Variants in KSR2 observed in about 807,000 individuals in gnomAD.
KSR2 encodes the protein kinase suppressor of ras 2.
Under a neutral mutation model 107.8 loss-of-function variants are expected in KSR2, and 25 were observed. That is an observed-to-expected ratio of 0.23 (90% CI 0.17 to 0.32). KSR2 has a LOEUF of 0.32. Among genes scored for constraint, KSR2 ranks in the 10% least tolerant of loss-of-function variants. The pLI, the probability that KSR2 is intolerant of heterozygous loss-of-function variation, is 1.00. For missense variants in KSR2, 887 were observed against 1,268.9 expected (o/e 0.70, Z 4.57); for synonymous variants, 480 against 507.0 (o/e 0.95, Z 0.71).
intron 5 of KSR2, among the ~76,000 whole-genome samples, chr12:117,622,910 G>GAGAAAGAC (rs1425785951): frequency 6.6e-6 from 1 of 152,188 alleles, no homozygotes; most frequent in Non-Finnish European, 1.5e-5. Flanking sequence ...TTGGGTCTGG[G>GAGAAAGAC]AGAAAGACAA....
At chr12:117,861,483 G>A (rs991220015) in intron 1 of KSR2, among the ~76,000 whole-genome samples, 2 of 144,710 alleles carry the variant, frequency 1.4e-5, no homozygotes, top group Non-Finnish European at 3.0e-5. Flanking sequence ...CCGCCTCCCG[G>A]GTTCACGCCA....
At chr12:117,638,126 T>C (rs1372802863) in intron 5 of KSR2, among the ~76,000 whole-genome samples, 2 of 151,626 alleles carry the variant, frequency 1.3e-5, no homozygotes, top group South Asian at 2.1e-4. Flanking sequence ...CGCTTTCTCA[T>C]ACTTAACATT....
intron 3 of KSR2, among the ~76,000 whole-genome samples, chr12:117,838,178 G>A (rs576482730): frequency 6.6e-6 from 1 of 152,170 alleles, no homozygotes; most frequent in Non-Finnish European, 1.5e-5. Context: ...GTTTTGGGTT[G>A]GGTTTTTGAG....
intron 1 of KSR2, among the ~76,000 whole-genome samples, chr12:117,860,698 T>C (rs1211695920): frequency 6.6e-6 from 1 of 152,110 alleles, no homozygotes; most frequent in African/African-American, 2.4e-5. Flanking sequence ...GATCTCACAA[T>C]TGCACACATC....
chr12:117,739,863 T>C (rs1888104119), intron 4 of KSR2, among the ~76,000 whole-genome samples: 1 of 151,374 alleles, frequency 6.6e-6, no homozygotes, highest in East Asian at 1.9e-4. Context: ...AGGCACATGG[T>C]TGGACTGACA....
At chr12:117,539,666 A>T in intron 10 of KSR2, 53 bp downstream of exon 10, 1 of 1,505,490 alleles carries the variant, frequency 6.6e-7, no homozygotes, top group South Asian at 1.3e-5. Flanking sequence ...CCCCTCCCTA[A>T]TCTCTGCCCC....
At chr12:117,700,941 TA>T (rs1886278244) in intron 4 of KSR2, among the ~76,000 whole-genome samples, 1 of 152,164 alleles carries the variant, frequency 6.6e-6, no homozygotes, top group African/African-American at 2.4e-5. Context: ...TTCTCAACAT[TA>T]CCCCTCTCCA....
rs114947974 is a variant in KSR2 at position 117,620,619 on chromosome 12, C to G, written c.1172-38260G>C. On this transcript the variant is annotated intron_variant, in intron 5 of 19. Coordinates refer to ENST00000339824, the MANE Select transcript of KSR2 (RefSeq NM_173598.6). Reference sequence around the variant, plus strand: ...CTCCCAGTGAGCAGATATCTGTGCCCTGATAGAGATGAATTAGGTTTCTCC... The same window carrying G: ...CTCCCAGTGAGCAGATATCTGTGCCGTGATAGAGATGAATTAGGTTTCTCC... 8.2e-3 allele frequency among the ~76,000 whole-genome samples: 1,254 copies of G among 152,264 alleles called. 22 individuals are homozygous for G. Among genetic ancestry groups the G allele is most frequent in the African/African-American group, 0.028 (1,180 of 41,548 alleles).
intron 5 of KSR2, among the ~76,000 whole-genome samples, chr12:117,636,914 T>C (rs760434246): frequency 1.3e-5 from 2 of 151,932 alleles, no homozygotes; most frequent in Non-Finnish European, 2.9e-5. Flanking sequence ...TACCAAAGCA[T>C]TAGAATTCAG....
chr12:117,888,203 C>T (rs79601272), intron 1 of KSR2, among the ~76,000 whole-genome samples: 1,691 of 152,304 alleles, frequency 0.011, 31 homozygotes, highest in African/African-American at 0.039. Context: ...GCACTTTCAA[C>T]CATTCTCTTG....
intron 3 of KSR2, among the ~76,000 whole-genome samples, chr12:117,854,510 T>C (rs1164118928): frequency 3.9e-5 from 6 of 152,206 alleles, no homozygotes; most frequent in African/African-American, 1.4e-4. Flanking sequence ...ATTCAACAAA[T>C]GCTTGTTGAA....
At chr12:117,925,279 A>T (rs1035756197) in intron 1 of KSR2, among the ~76,000 whole-genome samples, 2 of 151,984 alleles carry the variant, frequency 1.3e-5, no homozygotes, top group Non-Finnish European at 2.9e-5. Flanking sequence ...TCACGCCACC[A>T]TGCCCAGCTA....
At position 117,939,212 on chromosome 12, in the gene KSR2, G is replaced by A. The variant is rs560187132; in HGVS notation, c.180+28864C>T. 1.1e-4 allele frequency among the ~76,000 whole-genome samples: 17 copies of A among 152,300 alleles called. No individual in the cohort carries two copies. The East Asian group carries it at 3.3e-3, about 29-fold the overall frequency. The stretch of plus-strand genomic sequence containing the variant: ...AATTGTTGGTATGACAATAGCACTG[G>A]TTGTGCTTAAAACATAGTACTTACT... On this transcript the variant is annotated intron_variant, in intron 1 of 19. Transcript: ENST00000339824.
chr12:117,600,663 C>T (rs1410023257), intron 5 of KSR2, among the ~76,000 whole-genome samples: 1 of 152,196 alleles, frequency 6.6e-6, no homozygotes. Context: ...ATGTCAACAT[C>T]TTTGCACTTT....
chr12:117,571,867 C>A (rs1188680207), intron 7 of KSR2, among the ~76,000 whole-genome samples: 2 of 152,106 alleles, frequency 1.3e-5, no homozygotes, highest in Non-Finnish European at 2.9e-5. Context: ...CATGCTCCTC[C>A]CCATGGTCCT....
At chr12:117,561,831 T>C (rs1878139105) in intron 7 of KSR2, among the ~76,000 whole-genome samples, 1 of 152,164 alleles carries the variant, frequency 6.6e-6, no homozygotes, top group Non-Finnish European at 1.5e-5. Context: ...CCAGCCCCCA[T>C]GGGAAAGCTC....
intron 3 of KSR2, among the ~76,000 whole-genome samples, chr12:117,851,822 T>C (rs1892935907): frequency 1.3e-5 from 2 of 150,660 alleles, no homozygotes; most frequent in African/African-American, 4.9e-5. Context: ...ATCCAGGAAG[T>C]GGAGTTTGCA....
intron 8 of KSR2, among the ~76,000 whole-genome samples, chr12:117,555,832 C>G (rs1393432877): frequency 1.3e-5 from 2 of 152,212 alleles, no homozygotes; most frequent in African/African-American, 4.8e-5. Context: ...GCTTCCTGAT[C>G]CAAATCATAT....
chr12:117,535,874 A>G (rs1876018228), intron 10 of KSR2, among the ~76,000 whole-genome samples: 1 of 152,104 alleles, frequency 6.6e-6, no homozygotes, highest in Non-Finnish European at 1.5e-5. Context: ...ACCATGCTCA[A>G]AATCACACAG....
Sources: allele counts gnomAD v4.1 joint callset (sites outside exome capture counted in the v4.1 genomes callset), GRCh38; gene constraint gnomAD v4.1.1; transcripts MANE v1.5; gene names NCBI Gene and HGNC (gene_info 2026-07-23, HGNC 2026-07-21).